The following TYW1B variants were observed in gnomAD, a reference collection of about 807,000 sequenced individuals.
The protein encoded by TYW1B is S-adenosyl-L-methionine-dependent tRNA 4-demethylwyosine synthase TYW1B.
In TYW1B, 73 loss-of-function variants were observed where a neutral mutation model predicts 86.9. The observed-to-expected ratio is 0.84, with a 90% CI of 0.70 to 1.02. TYW1B has a LOEUF of 1.02. Ranked by LOEUF, TYW1B falls within the 50% of genes least tolerant of loss-of-function variation. TYW1B has a pLI of 0.00. For missense variants in TYW1B, 637 were observed against 827.4 expected (o/e 0.77, Z 2.82); for synonymous variants, 248 against 292.8 (o/e 0.85, Z 1.56).
chr7:72,717,174 G>A (rs1554456292), intron 9 of TYW1B, among the ~76,000 whole-genome samples: 1 of 151,878 alleles, frequency 6.6e-6, no homozygotes, highest in Non-Finnish European at 1.5e-5. Context: ...GGTGGTGCAT[G>A]CTCGTAGGCC....
intron 6 of TYW1B, among the ~76,000 whole-genome samples, chr7:72,795,512 A>G (rs192485880): frequency 1.3e-5 from 2 of 149,922 alleles, no homozygotes; most frequent in Non-Finnish European, 2.9e-5. Flanking sequence ...TTTTGACGCG[A>G]AACTACAGAG....
rs540088951 is a variant in TYW1B, at chr7:72,690,063, G to C, written c.1506+4624C>G. On this transcript the variant is annotated intron_variant, in intron 11 of 13. Coordinates refer to ENST00000620995, the MANE Select transcript of TYW1B (RefSeq NM_001145440.3). ...AACATCTGTAGAGAGAGGGCCAATG[G>C]TCATTGTTAAGGTGCAATGCAAGAA... 3.3e-5 allele frequency among the ~76,000 whole-genome samples: 5 copies of C among 152,242 alleles called. No individual in the cohort carries two copies. In the East Asian group the frequency reaches 9.6e-4, roughly 29 times the overall value.
intron 6 of TYW1B, among the ~76,000 whole-genome samples, chr7:72,779,712 C>CAAAAAAAAAAAA (rs58301724): frequency 1.6e-5 from 1 of 64,262 alleles, no homozygotes; most frequent in Non-Finnish European, 2.9e-5. Context: ...GACTCTGCCT[C>CAAAAAAAAAAAA]AAAAAAAAAA....
chr7:72,811,547 A>G (rs374189345), intron 3 of TYW1B, among the ~76,000 whole-genome samples: 104 of 152,024 alleles, frequency 6.8e-4, no homozygotes, highest in African/African-American at 1.0e-3. Context: ...AAATCTCCAA[A>G]GAATAGGGGA....
At chr7:72,632,299 ACGTGTATATATAT>A (rs1812516453) in intron 11 of TYW1B, among the ~76,000 whole-genome samples, 5 of 65,122 alleles carry the variant, frequency 7.7e-5, no homozygotes, top group African/African-American at 1.2e-4. Context: ...ATATATATAT[ACGTGTATATATAT>A]TATATATATT....
chr7:72,582,778 G>A (rs1296577589), intron 13 of TYW1B, among the ~76,000 whole-genome samples: 1 of 152,280 alleles, frequency 6.6e-6, no homozygotes, highest in South Asian at 2.1e-4. Flanking sequence ...AGTCTGAGAG[G>A]CAATATATTT....
At chr7:72,709,069 A>G (rs553330325) in intron 10 of TYW1B, among the ~76,000 whole-genome samples, 2 of 152,230 alleles carry the variant, frequency 1.3e-5, no homozygotes, top group African/African-American at 4.8e-5. Context: ...TTTCAGAAAA[A>G]GGTAAGATGA....
chr7:72,742,592 GTT>G (rs1787324443), intron 8 of TYW1B, among the ~76,000 whole-genome samples: 1 of 152,160 alleles, frequency 6.6e-6, no homozygotes, highest in East Asian at 1.9e-4. Context: ...TATGGGCAAA[GTT>G]TTTGACTATT....
chr7:72,713,560 G>A (rs2129570722), intron 10 of TYW1B, 61 bp downstream of exon 10: 1 of 1,466,578 alleles, frequency 6.8e-7, no homozygotes, highest in Non-Finnish European at 9.1e-7. Context: ...ATGCCTATTA[G>A]TTTTACTTTG....
intron 1 of TYW1B, 87 bp from the exon 2 acceptor site, chr7:72,827,072 C>A: frequency 5.4e-6 from 8 of 1,488,718 alleles, no homozygotes; most frequent in Non-Finnish European, 7.2e-6. Context: ...GAAAATAAAA[C>A]CAACCTTACA....
At chr7:72,677,859 G>A (rs781993573) in intron 11 of TYW1B, among the ~76,000 whole-genome samples, 8 of 151,988 alleles carry the variant, frequency 5.3e-5, no homozygotes, top group Non-Finnish European at 1.0e-4. Flanking sequence ...CTGCCACCAT[G>A]CCCGGCTAAT....
At chr7:72,781,123 G>A (rs1554471548) in intron 6 of TYW1B, among the ~76,000 whole-genome samples, 1 of 152,092 alleles carries the variant, frequency 6.6e-6, no homozygotes, top group African/African-American at 2.4e-5. Flanking sequence ...AAACTAGTAA[G>A]TTGTATTTCA....
rs559879811 is a variant in TYW1B at position 72,632,376 on chromosome 7, T to TTATA, written c.1507-3383_1507-3380dup. ...TATATTATATATATACGCATATATA[T>TTATA]TATATATATACGTATATATATATAA... On this transcript the variant is annotated intron_variant, in intron 11 of 13. Transcript: ENST00000620995. 1.4e-3 allele frequency among the ~76,000 whole-genome samples: 133 copies of TTATA among 96,228 alleles called. 3 individuals carry two copies. Among genetic ancestry groups the TTATA allele is most frequent in the African/African-American group, 6.0e-3 (127 of 21,178 alleles). 63.1% of individuals were successfully genotyped at this position (96,228 alleles called of 152,430 possible). A position where few individuals can be genotyped will look rare whatever the true frequency, so the allele number is the denominator to read the frequency against.
At chr7:72,820,580 C>G (rs1788809929) in intron 2 of TYW1B, among the ~76,000 whole-genome samples, 1 of 152,090 alleles carries the variant, frequency 6.6e-6, no homozygotes, top group South Asian at 2.1e-4. Context: ...TGAAAGGGAG[C>G]TGGCGAGCAC....
rs1457161291 is a variant in TYW1B, at chr7:72,575,377, T to C, written c.*121A>G. 1.4e-5 allele frequency: 21 copies of C among 1,461,216 alleles called. No homozygotes were observed. Among genetic ancestry groups the C allele is most frequent in the Non-Finnish European group, 1.9e-5 (21 of 1,107,172 alleles). 90.5% of individuals were successfully genotyped at this position (1,461,216 alleles called of 1,614,324 possible). A position where few individuals can be genotyped will look rare whatever the true frequency, so the allele number is the denominator to read the frequency against. On this transcript the variant is annotated 3_prime_UTR_variant, in exon 14 of 14. Coordinates refer to ENST00000620995, the MANE Select transcript of TYW1B (RefSeq NM_001145440.3). ...CCGTGTCTCCATGTTTACTGCCTTA[T>C]CGTCTCCTTTGTATGAAAGTATAAT...
chr7:72,589,285 T>C (rs1811342070), intron 13 of TYW1B, among the ~76,000 whole-genome samples: 1 of 152,152 alleles, frequency 6.6e-6, no homozygotes, highest in Non-Finnish European at 1.5e-5. Flanking sequence ...ACTCCAAAAC[T>C]AAGGAATGAC....
chr7:72,648,011 T>G (rs1812970160), intron 11 of TYW1B, among the ~76,000 whole-genome samples: 1 of 152,092 alleles, frequency 6.6e-6, no homozygotes, highest in Admixed American at 6.6e-5. Flanking sequence ...TATGTTACAA[T>G]GATGAATTTT....
intron 2 of TYW1B, among the ~76,000 whole-genome samples, chr7:72,820,265 ACT>A (rs1554480210): frequency 6.6e-6 from 1 of 152,028 alleles, no homozygotes; most frequent in Admixed American, 6.6e-5. Flanking sequence ...ACAGAGAAAG[ACT>A]CTGTCTCAAA....
At chr7:72,636,935 C>T (rs1554440835) in intron 11 of TYW1B, among the ~76,000 whole-genome samples, 6 of 152,056 alleles carry the variant, frequency 3.9e-5, no homozygotes, top group Admixed American at 1.3e-4. Context: ...CCAGCACTTT[C>T]GGAGGCTGAG....
Sources: gnomAD v4.1 joint callset for allele counts (sites outside exome capture counted in the v4.1 genomes callset) on GRCh38, gnomAD v4.1.1 for gene constraint, MANE v1.5 for transcripts, NCBI Gene and HGNC (gene_info 2026-07-23, HGNC 2026-07-21) for gene names.